SMYD4: variants seen among roughly 807,000 people sequenced by gnomAD.
SMYD4 encodes SET and MYND domain containing 4.
A neutral mutation model predicts 72.8 loss-of-function variants in SMYD4; 68 were observed. The ratio of observed to expected loss-of-function variants is 0.93; its 90% CI spans 0.77 to 1.14. SMYD4 has a LOEUF of 1.14. Ranked by LOEUF, SMYD4 falls within the 50% of genes most tolerant of loss-of-function variation. The pLI, the probability that SMYD4 is intolerant of heterozygous loss-of-function variation, is 0.00. For missense variants in SMYD4, 984 were observed against 1,003.7 expected (o/e 0.98, Z 0.27); for synonymous variants, 407 against 388.6 (o/e 1.05, Z -0.56).
chr17:1,812,045 G>C lies in SMYD4; in HGVS notation c.205C>G (p.Leu69Val), dbSNP rs138536585. 7.4e-6 allele frequency: 12 copies of C among 1,614,142 alleles called. No homozygotes were observed. Among genetic ancestry groups the C allele is most frequent in the Non-Finnish European group, 1.0e-5 (12 of 1,180,012 alleles). ...YLVGKDSDAP[L>V]FYREEGNKKF... ...TTGTTTCCTTCTTCTCTGTAGAAAA[G>C]AGGAGCGTCCGAGTCCTTTCCCACC... is the stretch of plus-strand genomic sequence containing the variant. The change falls in exon 3 of 11, where the codon CTT becomes GTT. Residue 69 changes from leucine to valine, a missense_variant. Leu to Val is a conservative substitution (Grantham distance 32, BLOSUM62 1). Transcript: ENST00000305513.
chr17:1,796,835 C>T (rs938918675), intron 5 of SMYD4, among the ~76,000 whole-genome samples: 2 of 152,038 alleles, frequency 1.3e-5, no homozygotes, highest in Non-Finnish European at 2.9e-5. Flanking sequence ...AAAAACAGAA[C>T]AAAGTAAAGT....
chr17:1,812,553 T>C (rs1311619157), intron 2 of SMYD4, among the ~76,000 whole-genome samples: 1 of 134,104 alleles, frequency 7.5e-6, no homozygotes, highest in Non-Finnish European at 1.6e-5. Context: ...TTCTTTTTTT[T>C]TTTTTTTTTT....
At chr17:1,804,533 G>T in intron 4 of SMYD4, 93 bp downstream of exon 4, 1 of 1,084,100 alleles carries the variant, frequency 9.2e-7, no homozygotes, top group Non-Finnish European at 1.4e-6. Context: ...CATGATTTTA[G>T]TGTTCTATGG....
At chr17:1,804,344 T>C in intron 4 of SMYD4, 1 of 307,260 alleles carries the variant, frequency 3.3e-6, no homozygotes, top group South Asian at 3.3e-5. Context: ...CTAATTTTTA[T>C]CCCTGTATTT....
At chr17:1,785,690 G>T (rs1908645151) in intron 7 of SMYD4, among the ~76,000 whole-genome samples, 1 of 150,202 alleles carries the variant, frequency 6.7e-6, no homozygotes, top group East Asian at 1.9e-4. Flanking sequence ...AGTCTGGGAG[G>T]TTGAGGCTGT....
At chr17:1,788,313 C>T (rs957283858) in intron 5 of SMYD4, among the ~76,000 whole-genome samples, 10 of 152,050 alleles carry the variant, frequency 6.6e-5, no homozygotes, top group African/African-American at 2.2e-4. Context: ...GATTGCACCA[C>T]TGCACTCCAG....
intron 8 of SMYD4, 34 bp downstream of exon 8, chr17:1,784,292 G>T: frequency 6.2e-7 from 1 of 1,613,410 alleles, no homozygotes; most frequent in South Asian, 1.1e-5. Context: ...AAAAGGGAAG[G>T]GGCTGGAGGA....
At chr17:1,822,876 TA>T (rs1280984094) in intron 2 of SMYD4, among the ~76,000 whole-genome samples, 1 of 152,110 alleles carries the variant, frequency 6.6e-6, no homozygotes, top group Non-Finnish European at 1.5e-5. Flanking sequence ...ACAAGAAGAA[TA>T]AATCGAACAT....
Position 1,804,612 on chromosome 17 carries a change from A to G in SMYD4, c.369+14T>C. ...CGGATCCTGTCCTCTCATACCAGGT[A>G]TCCTGATACTCACCTCATACTGACC... On this transcript the variant is annotated intron_variant, in intron 4 of 10. Coordinates refer to ENST00000305513, the MANE Select transcript of SMYD4 (RefSeq NM_052928.3). 6.2e-7 allele frequency: 1 copy of G among 1,612,214 alleles called. No homozygotes were observed. The highest frequency in any genetic ancestry group is 8.5e-7 in the Non-Finnish European group (1 of 1,178,512).
At position 1,789,701 on chromosome 17, in the gene SMYD4, G is replaced by C. The variant is rs191242525; in HGVS notation, c.1538-2097C>G. Among the ~76,000 whole-genome samples, 379 of 143,718 alleles carry C rather than the reference G, an allele frequency of 2.6e-3. 3 individuals carry two copies. The highest frequency in any genetic ancestry group is 0.013 in the Middle Eastern group (3 of 236). The allele number at this position is 143,718 out of a possible 152,430, so 94.3% of individuals were successfully genotyped here. A position where few individuals can be genotyped will look rare whatever the true frequency, so the allele number is the denominator to read the frequency against. Reference sequence around the variant, plus strand: ...AATCGCTTGAAACTGGGAGGTGGAGGTTGCAGTGAGCCGAGATCGCACCAC... The same window carrying C: ...AATCGCTTGAAACTGGGAGGTGGAGCTTGCAGTGAGCCGAGATCGCACCAC... On this transcript the variant is annotated intron_variant, in intron 5 of 10. Coordinates refer to ENST00000305513, the MANE Select transcript of SMYD4 (RefSeq NM_052928.3).
At chr17:1,806,457 C>T (rs1418621017) in intron 3 of SMYD4, among the ~76,000 whole-genome samples, 1 of 152,092 alleles carries the variant, frequency 6.6e-6, no homozygotes, top group Non-Finnish European at 1.5e-5. Context: ...AGATTTCCTA[C>T]AGATCACTAA....
intron 2 of SMYD4, among the ~76,000 whole-genome samples, chr17:1,826,075 C>T (rs150370760): frequency 0.012 from 1,759 of 151,998 alleles, 17 homozygotes; most frequent in Middle Eastern, 0.048. Context: ...CAAATAGTAA[C>T]TTACATAGCA....
chr17:1,781,742 A>ACTGCAACCTCCGCCTCC (rs1193429328), intron 10 of SMYD4: 1 of 188,008 alleles, frequency 5.3e-6, no homozygotes, highest in Middle Eastern at 2.0e-3. Flanking sequence ...ACCTCGGCTC[A>ACTGCAACCTCCGCCTCC]CTGCAACCTC....
At chr17:1,796,896 A>G (rs920927290) in intron 5 of SMYD4, among the ~76,000 whole-genome samples, 2 of 152,350 alleles carry the variant, frequency 1.3e-5, no homozygotes, top group South Asian at 4.1e-4. Flanking sequence ...AATTCTGGAA[A>G]AATACTCAGC....
In SMYD4 at chr17:1,784,319, G is replaced by C. The variant is rs745766802; in HGVS notation, c.2020+7C>G. 4 of 1,614,184 alleles carry C rather than the reference G, an allele frequency of 2.5e-6. No homozygotes were observed. Among genetic ancestry groups the C allele is most frequent in the Non-Finnish European group, 3.4e-6 (4 of 1,180,026 alleles). On this transcript the variant is annotated splice_region_variant and intron_variant, in intron 8 of 10. Coordinates refer to ENST00000305513, the MANE Select transcript of SMYD4 (RefSeq NM_052928.3). ...GCTGGAGGACCAAAGCAGGGAGCCA[G>C]TCTCACCTAGTTCACCATCTCTGAG...
At position 1,800,304 on chromosome 17, in the gene SMYD4, G is replaced by T; in HGVS notation, c.1090C>A (p.Arg364Ser). 6.2e-7 allele frequency: 1 copy of T among 1,613,932 alleles called. No homozygotes were observed. The highest frequency in any genetic ancestry group is 1.3e-5 in the African/African-American group (1 of 74,938). The change falls in exon 5 of 11, where the codon CGC becomes AGC. Residue 364 changes from arginine to serine, a missense_variant. Arg to Ser is a moderately radical substitution (Grantham distance 110). Transcript: ENST00000305513. ...LTLLVGFEDV[R>S]KIITKLCDKI... is the part of the protein sequence containing the mutation. ...TCACAAAGCTTCGTTATGATTTTGCGAACATCCTCAAATCCCACCAAAAGA... is the reference window on the plus strand; with the variant it reads ...TCACAAAGCTTCGTTATGATTTTGCTAACATCCTCAAATCCCACCAAAAGA...
intron 2 of SMYD4, among the ~76,000 whole-genome samples, chr17:1,821,377 G>A (rs979353204): frequency 6.6e-5 from 10 of 152,082 alleles, no homozygotes; most frequent in Non-Finnish European, 1.0e-4. Flanking sequence ...AGCTGGGCGC[G>A]GTGGTGCATG....
chr17:1,812,828 C>T lies in SMYD4; in HGVS notation c.135-713G>A, dbSNP rs1418173802. ...CCTCCCAAAGTGCTGGGAATACAGG[C>T]GTGAGCCACCGCACCTGGCCAGAAT... On this transcript the variant is annotated intron_variant, in intron 2 of 10. Transcript: ENST00000305513. Among the ~76,000 whole-genome samples, 9 of 152,054 alleles carry T rather than the reference C, an allele frequency of 5.9e-5. No individual in the cohort carries two copies. The East Asian group carries it at 1.7e-3, about 29-fold the overall frequency.
chr17:1,795,393 G>A (rs1186742751), intron 5 of SMYD4, among the ~76,000 whole-genome samples: 1 of 147,150 alleles, frequency 6.8e-6, no homozygotes, highest in Non-Finnish European at 1.5e-5. Flanking sequence ...TAGTACAGTG[G>A]CACGATCTCA....
Sources: allele counts gnomAD v4.1 joint callset (sites outside exome capture counted in the v4.1 genomes callset), GRCh38; gene constraint gnomAD v4.1.1; transcripts MANE v1.5; gene names NCBI Gene and HGNC (gene_info 2026-07-23, HGNC 2026-07-21).